GALNT14: variants seen among roughly 807,000 people sequenced by gnomAD.
The protein encoded by GALNT14 is UDP-GalNAc:polypeptide N-acetylgalactosaminyltransferase 14.
GALNT14 carries 60 observed loss-of-function variants against 77.5 expected under a neutral mutation model. The ratio of observed to expected loss-of-function variants is 0.77; its 90% CI spans 0.63 to 0.96. The LOEUF (loss-of-function observed/expected upper bound fraction) is 0.96, where lower values mean the gene tolerates loss of function less well. Ranked by LOEUF, GALNT14 falls within the 40% of genes least tolerant of loss-of-function variation. GALNT14 has a pLI of 0.00. For missense variants in GALNT14, 710 were observed against 731.0 expected, an observed-to-expected ratio of 0.97 and a Z score of 0.33; for synonymous variants, 280 against 281.7, an observed-to-expected ratio of 0.99 and a Z score of 0.06.
the GALNT14 span, among the ~76,000 whole-genome samples, chr2:30,899,183 A>G: frequency 6.6e-6 from 1 of 152,336 alleles, no homozygotes; most frequent in East Asian, 1.9e-4. Flanking sequence ...CTGCAAGATG[A>G]ATGGAGGCGG....
chr2:30,972,213 C>G (rs965225904), intron 2 of GALNT14, among the ~76,000 whole-genome samples: 1 of 152,228 alleles, frequency 6.6e-6, no homozygotes, highest in Non-Finnish European at 1.5e-5. Context: ...AGAAGCCGCT[C>G]TGGCTTCTCT....
At chr2:30,977,121 A>T (rs1668681707) in intron 2 of GALNT14, among the ~76,000 whole-genome samples, 1 of 128,666 alleles carries the variant, frequency 7.8e-6, no homozygotes, top group Non-Finnish European at 1.5e-5. Flanking sequence ...ACAGGGTCTC[A>T]CTCTGTCACC....
At chr2:31,057,340 G>GTA (rs1488596254) in intron 1 of GALNT14, among the ~76,000 whole-genome samples, 145 of 62,436 alleles carry the variant, frequency 2.3e-3, no homozygotes, top group African/African-American at 0.013. Context: ...ATATATACAC[G>GTA]TATATATATG....
At chr2:31,092,589 A>G (rs1676807611) in intron 1 of GALNT14, among the ~76,000 whole-genome samples, 1 of 152,168 alleles carries the variant, frequency 6.6e-6, no homozygotes, top group Non-Finnish European at 1.5e-5. Context: ...TCAATTATCC[A>G]AACACCTGTC....
At chr2:31,127,480 T>C (rs1318517277) in intron 1 of GALNT14, among the ~76,000 whole-genome samples, 1 of 152,260 alleles carries the variant, frequency 6.6e-6, no homozygotes, top group Non-Finnish European at 1.5e-5. Flanking sequence ...CATTTACATA[T>C]TGTATTTCAA....
intron 13 of GALNT14, among the ~76,000 whole-genome samples, chr2:30,922,825 A>G (rs1042326097): frequency 6.6e-6 from 1 of 152,214 alleles, no homozygotes; most frequent in African/African-American, 2.4e-5. Context: ...CTGCATCTTC[A>G]TAGTTAATAA....
At chr2:31,066,761 C>G (rs1005895480) in intron 1 of GALNT14, among the ~76,000 whole-genome samples, 2 of 151,856 alleles carry the variant, frequency 1.3e-5, no homozygotes, top group Non-Finnish European at 2.9e-5. Context: ...GCACCCCCCA[C>G]CCCCCACCAA....
the GALNT14 span, among the ~76,000 whole-genome samples, chr2:30,887,047 A>G: frequency 6.6e-6 from 1 of 152,256 alleles, no homozygotes; most frequent in Admixed American, 6.5e-5. Flanking sequence ...CGTAGCATGT[A>G]TCAGTACTTT....
At chr2:30,956,769 A>G (rs1667397821) in intron 4 of GALNT14, among the ~76,000 whole-genome samples, 1 of 152,208 alleles carries the variant, frequency 6.6e-6, no homozygotes, top group Non-Finnish European at 1.5e-5. Context: ...AGCCTCCCAA[A>G]GTGCTAGAAT....
chr2:30,919,608 C>T (rs1180721738), intron 13 of GALNT14, among the ~76,000 whole-genome samples: 1 of 150,938 alleles, frequency 6.6e-6, no homozygotes, highest in African/African-American at 2.4e-5. Context: ...TAGATCTCAT[C>T]CCTGGGTTCA....
intron 1 of GALNT14, among the ~76,000 whole-genome samples, chr2:31,104,682 C>T (rs2161833): frequency 0.57 from 86,417 of 151,510 alleles, 25,248 homozygotes; most frequent in African/African-American, 0.68. Context: ...TGAAACAGTA[C>T]AGACCTTTCC....
chr2:31,121,218 T>C (rs1392640393), intron 1 of GALNT14, among the ~76,000 whole-genome samples: 1 of 152,236 alleles, frequency 6.6e-6, no homozygotes, highest in African/African-American at 2.4e-5. Context: ...GTAAGGAATC[T>C]AGACAGGCAA....
chr2:30,954,510 G>A (rs1016020172), intron 6 of GALNT14, among the ~76,000 whole-genome samples: 3 of 152,166 alleles, frequency 2.0e-5, no homozygotes, highest in Admixed American at 6.5e-5. Context: ...TGGAAGACGA[G>A]CCATCCCAAT....
rs1558393562 is a variant in GALNT14, at chr2:30,910,527, T to A, written c.*374A>T. On this transcript the variant is annotated 3_prime_UTR_variant, in exon 15 of 15. Transcript: ENST00000349752. ...TTGGAAACAACCTCCATTCTTCATC[T>A]CTCAATGTAGTCCTGGCCTAGTGAA... 1 of 172,684 alleles carries A rather than the reference T, an allele frequency of 5.8e-6. No individual in the cohort carries two copies. Among genetic ancestry groups the A allele is most frequent in the Non-Finnish European group, 1.2e-5 (1 of 81,882 alleles). The allele number at this position is 172,684 out of a possible 1,614,324, so 10.7% of individuals were successfully genotyped here. A position where few individuals can be genotyped will look rare whatever the true frequency, so the allele number is the denominator to read the frequency against.
chr2:30,952,088 T>C (rs982493421), intron 6 of GALNT14, among the ~76,000 whole-genome samples: 1 of 152,160 alleles, frequency 6.6e-6, no homozygotes, highest in African/African-American at 2.4e-5. Context: ...AGGAGCAAAC[T>C]GCCTTAGAAA....
intron 9 of GALNT14, among the ~76,000 whole-genome samples, chr2:30,938,006 A>G (rs73921200): frequency 0.024 from 3,676 of 152,112 alleles, 148 homozygotes; most frequent in African/African-American, 0.083. Flanking sequence ...ACCTGATTCC[A>G]CAGCCCACAT....
At chr2:31,076,438 A>T (rs1675793034) in intron 1 of GALNT14, among the ~76,000 whole-genome samples, 1 of 152,050 alleles carries the variant, frequency 6.6e-6, no homozygotes, top group Non-Finnish European at 1.5e-5. Flanking sequence ...TGAGACCACC[A>T]TCCTCTGGAG....
chr2:30,970,554 C>A (rs924966974), intron 2 of GALNT14, among the ~76,000 whole-genome samples: 2 of 152,114 alleles, frequency 1.3e-5, no homozygotes, highest in African/African-American at 4.8e-5. Flanking sequence ...GAATCACAAG[C>A]TCATGGTTTA....
intron 3 of GALNT14, among the ~76,000 whole-genome samples, chr2:30,964,719 G>A (rs1667892016): frequency 6.6e-6 from 1 of 152,208 alleles, no homozygotes. Flanking sequence ...AAAACTGTGT[G>A]TCTGGGCAGG....
Sources: allele counts gnomAD v4.1 joint callset (sites outside exome capture counted in the v4.1 genomes callset), GRCh38; gene constraint gnomAD v4.1.1; transcripts MANE v1.5; gene names NCBI Gene and HGNC (gene_info 2026-07-23, HGNC 2026-07-21).